PAK3: variants seen among roughly 807,000 people sequenced by gnomAD.
PAK3 encodes serine/threonine-protein kinase PAK 3.
PAK3 carries 4 observed loss-of-function variants against 41.0 expected under a neutral mutation model. That is an observed-to-expected ratio of 0.10 (90% CI 0.05 to 0.22). The LOEUF is 0.22. Among genes scored for constraint, PAK3 ranks in the 10% least tolerant of loss-of-function variants. PAK3 has a pLI of 1.00. For synonymous variants in PAK3, 146 were observed against 139.6 expected, an observed-to-expected ratio of 1.05 and a Z score of -0.32; for missense variants, 205 against 409.9, an observed-to-expected ratio of 0.50 and a Z score of 4.32.
chrX:110,952,228 G>C (rs1340717564), intron 1 of PAK3, among the ~76,000 whole-genome samples: 1 of 111,775 alleles, frequency 8.9e-6, no homozygotes, highest in African/African-American at 3.3e-5. Context: ...CCAAAGGTAG[G>C]GTCTGTGGAT....
intron 1 of PAK3, among the ~76,000 whole-genome samples, chrX:111,049,433 G>A (rs2092534017): frequency 8.9e-6 from 1 of 112,244 alleles, no homozygotes; most frequent in South Asian, 3.7e-4. Flanking sequence ...TGCCTGGTAT[G>A]TAGTAGACAC....
chrX:111,180,317 C>T (rs1368437799), intron 11 of PAK3, among the ~76,000 whole-genome samples: 1 of 111,252 alleles, frequency 9.0e-6, no homozygotes, highest in Non-Finnish European at 1.9e-5. Flanking sequence ...CTTTTAATAG[C>T]TTGTTTACGA....
intron 1 of PAK3, among the ~76,000 whole-genome samples, chrX:110,974,404 A>C (rs943035326): frequency 2.7e-5 from 3 of 112,298 alleles, no homozygotes; most frequent in Non-Finnish European, 5.6e-5. Context: ...CCCAAGATTA[A>C]ACCAGGAAGA....
intron 1 of PAK3, among the ~76,000 whole-genome samples, chrX:111,087,951 C>T (rs904995364): frequency 9.1e-6 from 1 of 109,771 alleles, no homozygotes; most frequent in Non-Finnish European, 1.9e-5. Flanking sequence ...AGAATAACCA[C>T]AAGCCTGTGG....
At chrX:111,021,347 C>T (rs924315585) in intron 1 of PAK3, among the ~76,000 whole-genome samples, 1 of 112,186 alleles carries the variant, frequency 8.9e-6, no homozygotes, top group African/African-American at 3.2e-5. Flanking sequence ...GACCTGAAGA[C>T]AGATTACATC....
intron 1 of PAK3, among the ~76,000 whole-genome samples, chrX:110,981,572 C>T (rs1296372343): frequency 9.4e-6 from 1 of 106,121 alleles, no homozygotes; most frequent in Non-Finnish European, 1.9e-5. Flanking sequence ...TGTGTGTGTA[C>T]AGAAAAAGAG....
chrX:111,140,996 A>C (rs765769326), intron 5 of PAK3, among the ~76,000 whole-genome samples: 2 of 112,183 alleles, frequency 1.8e-5, no homozygotes, highest in Admixed American at 9.4e-5. Context: ...TTCTAAATTG[A>C]CCGCCCTGGC....
At chrX:111,081,507 G>C (rs2092834891) in intron 1 of PAK3, among the ~76,000 whole-genome samples, 1 of 109,870 alleles carries the variant, frequency 9.1e-6, no homozygotes, top group African/African-American at 3.3e-5. Context: ...CCTGTCACAG[G>C]GTCTCAATAG....
chrX:110,977,037 A>C (rs1378181020), intron 1 of PAK3, among the ~76,000 whole-genome samples: 3 of 110,432 alleles, frequency 2.7e-5, no homozygotes, highest in Non-Finnish European at 5.7e-5. Context: ...CAGCAAACCA[A>C]CATGACACAT....
intron 10 of PAK3, among the ~76,000 whole-genome samples, chrX:111,171,964 T>C (rs745514977): frequency 5.4e-5 from 6 of 111,699 alleles, no homozygotes; most frequent in African/African-American, 1.9e-4. Context: ...ATGGGTCTCA[T>C]TACTTTATGA....
At chrX:111,120,150 A>G (rs770994103) in intron 4 of PAK3, among the ~76,000 whole-genome samples, 1 of 112,090 alleles carries the variant, frequency 8.9e-6, no homozygotes, top group African/African-American at 3.2e-5. Flanking sequence ...TGCCTTGATT[A>G]GTTGAATGAC....
chrX:111,084,322 A>C (rs1240136978), intron 1 of PAK3, among the ~76,000 whole-genome samples: 2 of 112,780 alleles, frequency 1.8e-5, no homozygotes, highest in Non-Finnish European at 3.7e-5. Flanking sequence ...GGTCAGAGGC[A>C]CATCACTCTT....
Position 111,163,700 on chromosome X carries a change from A to T in PAK3, c.739A>T (p.Thr247Ser). The T allele has an allele frequency of 8.3e-7, 1 of 1,201,963 alleles. No individual in the cohort carries two copies. The highest frequency in any genetic ancestry group is 1.1e-6 in the Non-Finnish European group (1 of 886,744). Reference protein sequence around the residue: ...TDRQRKKSKMTDEEILEKLRS... With the variant: ...TDRQRKKSKMSDEEILEKLRS... Reference sequence around the variant, plus strand: ...TCGGCAAAGAAAAAAATCCAAGATGACAGATGAGGAGATCTTAGAGAAGCT... The same window carrying T: ...TCGGCAAAGAAAAAAATCCAAGATGTCAGATGAGGAGATCTTAGAGAAGCT... The change falls in exon 10 of 18, where the codon ACA (threonine) becomes TCA (serine). Residue 247 changes from threonine (T) to serine (S), a missense_variant. Physicochemically the swap from Thr to Ser is moderately conservative, Grantham distance 58. Transcript: ENST00000372007.
intron 1 of PAK3, among the ~76,000 whole-genome samples, chrX:110,990,465 G>A (rs1044370620): frequency 9.0e-6 from 1 of 111,433 alleles, no homozygotes; most frequent in Non-Finnish European, 1.9e-5. Context: ...GGACATAGCT[G>A]AGTGGGAAGA....
chrX:111,186,971 G>T (rs1467814978), intron 11 of PAK3, among the ~76,000 whole-genome samples: 1 of 111,606 alleles, frequency 9.0e-6, no homozygotes, highest in African/African-American at 3.3e-5. Context: ...ACACTACTGT[G>T]CTTCAGTTAT....
At chrX:111,084,150 C>A (rs1416976563) in intron 1 of PAK3, among the ~76,000 whole-genome samples, 1 of 112,510 alleles carries the variant, frequency 8.9e-6, no homozygotes, top group East Asian at 2.8e-4. Flanking sequence ...AACTGACTGG[C>A]TGGTCCATTC....
chrX:110,987,228 A>G (rs2091560000), intron 1 of PAK3, among the ~76,000 whole-genome samples: 1 of 112,396 alleles, frequency 8.9e-6, no homozygotes, highest in Non-Finnish European at 1.9e-5. Context: ...TTTGAAGCAT[A>G]GTGCAAAGCT....
chrX:110,953,137 G>GT lies in PAK3; in HGVS notation c.-28+8516dup, dbSNP rs199610562. ...TGAACTATTCTGCAAAGGTAACATT[G>GT]TTTTTTTAACTCTGATTAGAACTGG... On this transcript the variant is annotated intron_variant, in intron 1 of 14. Transcript: ENST00000425146. Among the ~76,000 whole-genome samples the GT allele has an allele frequency of 1.6e-3, 180 of 111,774 alleles. No homozygotes were observed. The East Asian group carries it at 0.04, about 25-fold the overall frequency.
intron 1 of PAK3, among the ~76,000 whole-genome samples, chrX:110,960,730 G>A (rs890505299): frequency 9.0e-6 from 1 of 111,673 alleles, no homozygotes; most frequent in African/African-American, 3.3e-5. Flanking sequence ...CATCTCTACT[G>A]CACTTTGATA....
Sources: allele counts gnomAD v4.1 joint callset (sites outside exome capture counted in the v4.1 genomes callset), GRCh38; gene constraint gnomAD v4.1.1; transcripts MANE v1.5; gene names NCBI Gene and HGNC (gene_info 2026-07-23, HGNC 2026-07-21).